The following SMYD3 variants were observed in gnomAD, a reference collection of about 807,000 sequenced individuals.
SMYD3 encodes the protein histone-lysine N-methyltransferase SMYD3.
Under a neutral mutation model 57.7 loss-of-function variants are expected in SMYD3, and 36 were observed. The observed-to-expected ratio is 0.62, with a 90% CI of 0.48 to 0.82. The LOEUF is 0.82. SMYD3 is among the 40% of genes least tolerant of loss of function. SMYD3 has a pLI of 0.00. For missense variants in SMYD3, 515 were observed against 538.8 expected, an observed-to-expected ratio of 0.96 and a Z score of 0.44; for synonymous variants, 211 against 195.0, an observed-to-expected ratio of 1.08 and a Z score of -0.68.
Position 246,335,434 on chromosome 1 carries a change from A to G in SMYD3, c.269T>C (p.Leu90Pro). ...AGGATATCTGGGTTTGCAGCTTTTA[A>G]GGCATTTGCATTCCCGCTTGTGGTC... The part of the protein sequence containing the change: ...WPDHKRECKC[L>P]KSCKPRYPPD... Residue 90 changes from leucine (L) to proline (P), a missense_variant, in exon 3 of 12, where the codon CTT becomes CCT. Leu to Pro is a moderately conservative substitution (Grantham distance 98). Transcript: ENST00000490107. 6.2e-7 allele frequency: 1 copy of G among 1,614,186 alleles called. No homozygotes were observed. The highest frequency in any genetic ancestry group is 1.1e-5 in the South Asian group (1 of 91,082).
intron 10 of SMYD3, among the ~76,000 whole-genome samples, chr1:245,777,194 C>T (rs2046639457): frequency 6.6e-6 from 1 of 152,044 alleles, no homozygotes; most frequent in Non-Finnish European, 1.5e-5. Context: ...ACAGTTAGTG[C>T]CTTTGCCTCA....
At chr1:246,275,186 G>A (rs1435528466) in intron 5 of SMYD3, among the ~76,000 whole-genome samples, 1 of 152,192 alleles carries the variant, frequency 6.6e-6, no homozygotes, top group African/African-American at 2.4e-5. Context: ...GTAAAGGGCA[G>A]CCTTCACAGG....
At chr1:246,411,972 TAATAA>T (rs1558452193) in intron 1 of SMYD3, among the ~76,000 whole-genome samples, 1 of 82,614 alleles carries the variant, frequency 1.2e-5, no homozygotes, top group Non-Finnish European at 2.6e-5. Context: ...ACTTAAAGTA[TAATAA>T]AAAAAAAAAA....
chr1:246,330,616 T>C, intron 3 of SMYD3, 79 bp from the exon 4 acceptor site: 1 of 1,211,106 alleles, frequency 8.3e-7, no homozygotes, highest in Non-Finnish European at 1.1e-6. Context: ...AGTACCTTTG[T>C]ATATTTAAAT....
chr1:245,862,000 C>T (rs533091365), intron 9 of SMYD3, among the ~76,000 whole-genome samples: 284 of 96,858 alleles, frequency 2.9e-3, no homozygotes, highest in African/African-American at 7.3e-3. Flanking sequence ...GCCCCAATAC[C>T]GCTGCCAGGG....
Position 246,346,778 on chromosome 1 carries a change from C to T in SMYD3, c.228+8253G>A, listed in dbSNP as rs879748781. ...AGAGGAGATCTGGGTGGGGACACAA[C>T]CAAACTATGTCACATACTAAAAGGC... is the stretch of plus-strand genomic sequence containing the variant. On this transcript the variant is annotated intron_variant, in intron 2 of 11. Coordinates refer to ENST00000490107, the MANE Select transcript of SMYD3 (RefSeq NM_001167740.2). Among the ~76,000 whole-genome samples the T allele has an allele frequency of 8.3e-4, 126 of 152,174 alleles. 1 individual carries two copies. Among genetic ancestry groups the T allele is most frequent in the Non-Finnish European group, 9.9e-4 (67 of 68,008 alleles).
At chr1:246,435,871 C>T (rs934979633) in intron 1 of SMYD3, among the ~76,000 whole-genome samples, 2 of 151,552 alleles carry the variant, frequency 1.3e-5, no homozygotes, top group Admixed American at 6.6e-5. Context: ...GAATGTCCCA[C>T]GTGGCATTTG....
intron 8 of SMYD3, among the ~76,000 whole-genome samples, chr1:245,906,834 T>C (rs2054596760): frequency 6.6e-6 from 1 of 152,218 alleles, no homozygotes; most frequent in Non-Finnish European, 1.5e-5. Flanking sequence ...ATCCAGTCAT[T>C]TGTAACAACA....
At chr1:246,448,223 AAAT>A (rs2067576516) in intron 1 of SMYD3, among the ~76,000 whole-genome samples, 1 of 152,212 alleles carries the variant, frequency 6.6e-6, no homozygotes, top group South Asian at 2.1e-4. Context: ...TCTCAAAAAA[AAAT>A]AATAACATAA....
In SMYD3 at chr1:245,933,478, A is replaced by G. The variant is rs180922596; in HGVS notation, c.532-3541T>C. Among the ~76,000 whole-genome samples, 270 of 152,332 alleles carry G rather than the reference A, an allele frequency of 1.8e-3. 2 individuals carry two copies. Among genetic ancestry groups the G allele is most frequent in the African/African-American group, 6.0e-3 (250 of 41,574 alleles). On this transcript the variant is annotated intron_variant, in intron 5 of 11. Transcript: ENST00000490107. ...TCCTTTAAACTAATTGAAAGCCTTC[A>G]TATATAATATTATAGTTTTTCTAGA...
rs1246077577 is a variant in SMYD3 at position 246,355,276 on chromosome 1, C to T, written c.165-182G>A. 1 of 581,992 alleles carries T rather than the reference C, an allele frequency of 1.7e-6. No homozygotes were observed. Among genetic ancestry groups the T allele is most frequent in the East Asian group, 3.1e-5 (1 of 32,494 alleles). The allele number at this position is 581,992 out of a possible 1,614,324, so 36.1% of individuals were successfully genotyped here. Reference sequence around the variant, plus strand: ...CTCCTCTTGAACCTTCCATGTGAGACACTGATAGAAAAACTAAGTCCTTTT... The same window carrying T: ...CTCCTCTTGAACCTTCCATGTGAGATACTGATAGAAAAACTAAGTCCTTTT... On this transcript the variant is annotated intron_variant, in intron 1 of 11. Transcript: ENST00000490107. The surrounding 1 kb of genome is among the most constrained non-coding windows in gnomAD (Gnocchi z 5.0).
intron 1 of SMYD3, among the ~76,000 whole-genome samples, chr1:246,491,323 A>C (rs1028873994): frequency 6.6e-6 from 1 of 152,182 alleles, no homozygotes; most frequent in Non-Finnish European, 1.5e-5. Context: ...ATATTACCTA[A>C]GGTCAGGAGT....
chr1:245,925,660 G>C (rs1239819943), intron 7 of SMYD3, among the ~76,000 whole-genome samples: 1 of 152,174 alleles, frequency 6.6e-6, no homozygotes, highest in Non-Finnish European at 1.5e-5. Context: ...ATTAGAGTAA[G>C]CTCAATATAA....
intron 5 of SMYD3, among the ~76,000 whole-genome samples, chr1:246,282,455 A>G (rs1403942649): frequency 1.3e-5 from 2 of 151,386 alleles, no homozygotes; most frequent in African/African-American, 4.8e-5. Flanking sequence ...GCTGTGGGCC[A>G]AGGTGGCGTC....
intron 1 of SMYD3, among the ~76,000 whole-genome samples, chr1:246,416,775 G>C (rs937139298): frequency 5.9e-5 from 9 of 152,018 alleles, no homozygotes; most frequent in African/African-American, 2.2e-4. Context: ...AGCTGCCTCA[G>C]AACCAAGGAC....
intron 1 of SMYD3, among the ~76,000 whole-genome samples, chr1:246,459,846 T>C (rs915629779): frequency 6.6e-6 from 1 of 150,606 alleles, no homozygotes; most frequent in African/African-American, 2.5e-5. Context: ...AATCAGGAGC[T>C]TTGGAAATAA....
At chr1:245,776,965 T>C (rs1475401784) in intron 10 of SMYD3, among the ~76,000 whole-genome samples, 1 of 152,210 alleles carries the variant, frequency 6.6e-6, no homozygotes, top group Non-Finnish European at 1.5e-5. Flanking sequence ...GGAGGATGTA[T>C]GGCTTGCAAA....
intron 5 of SMYD3, among the ~76,000 whole-genome samples, chr1:246,283,736 A>G (rs1177276218): frequency 6.6e-6 from 1 of 152,230 alleles, no homozygotes; most frequent in Non-Finnish European, 1.5e-5. Flanking sequence ...CCCAGAACTT[A>G]TAGCACTCAC....
chr1:246,425,648 T>C (rs1305363943), intron 1 of SMYD3, among the ~76,000 whole-genome samples: 2 of 152,176 alleles, frequency 1.3e-5, no homozygotes, highest in East Asian at 3.9e-4. Context: ...AAGTACCCAA[T>C]GGGATTGAGC....
Sources: gnomAD v4.1 joint callset for allele counts (sites outside exome capture counted in the v4.1 genomes callset) on GRCh38, gnomAD v4.1.1 for gene constraint, Gnocchi (gnomAD v3.1) non-coding constraint, MANE v1.5 for transcripts, NCBI Gene and HGNC (gene_info 2026-07-23, HGNC 2026-07-21) for gene names.